PBX1: variants seen among roughly 807,000 people sequenced by gnomAD.
PBX1 encodes the protein pre-B-cell leukemia transcription factor 1.
PBX1 carries 6 observed loss-of-function variants against 53.4 expected under a neutral mutation model. That is an observed-to-expected ratio of 0.11 (90% CI 0.06 to 0.22). PBX1 has a LOEUF of 0.22. Among genes scored for constraint, PBX1 ranks in the 10% least tolerant of loss-of-function variants. The probability of loss-of-function intolerance (pLI) is 1.00; values close to 1 mark genes in which losing one functional copy is unlikely to be tolerated. For synonymous variants in PBX1, 204 were observed against 212.3 expected (o/e 0.96, Z 0.34); for missense variants, 251 against 551.4 (o/e 0.46, Z 5.46).
intron 2 of PBX1, among the ~76,000 whole-genome samples, chr1:164,633,954 A>G (rs1210758893): frequency 2.6e-5 from 4 of 152,188 alleles, no homozygotes; most frequent in African/African-American, 4.8e-5. Context: ...CCAAAAGGTT[A>G]TGTAATTTAA....
chr1:164,599,051 C>T (rs944851061), intron 2 of PBX1, among the ~76,000 whole-genome samples: 2 of 145,570 alleles, frequency 1.4e-5, no homozygotes, highest in Admixed American at 7.1e-5. Context: ...GATTTATTTT[C>T]TGTCTCTTTT....
intron 2 of PBX1, among the ~76,000 whole-genome samples, chr1:164,742,111 C>T (rs1397386075): frequency 1.3e-5 from 2 of 152,124 alleles, no homozygotes; most frequent in Non-Finnish European, 2.9e-5. Context: ...GCAGTTACCT[C>T]TTGAGAAACT....
At chr1:164,827,493 G>A (rs1330473640) in intron 8 of PBX1, among the ~76,000 whole-genome samples, 2 of 152,154 alleles carry the variant, frequency 1.3e-5, no homozygotes, top group African/African-American at 4.8e-5. Flanking sequence ...AGACTGTATA[G>A]TGTTTGAAGG....
intron 2 of PBX1, among the ~76,000 whole-genome samples, chr1:164,577,772 C>T (rs1046762085): frequency 6.6e-6 from 1 of 152,102 alleles, no homozygotes; most frequent in African/African-American, 2.4e-5. Context: ...TAAATTAATT[C>T]CCTCTATAAA....
intron 2 of PBX1, among the ~76,000 whole-genome samples, chr1:164,703,556 C>T (rs996970984): frequency 2.0e-5 from 3 of 152,172 alleles, no homozygotes; most frequent in Non-Finnish European, 4.4e-5. Flanking sequence ...CTCATTACCA[C>T]GAGCCTGAAC....
At chr1:164,638,300 G>C (rs1658906887) in intron 2 of PBX1, among the ~76,000 whole-genome samples, 1 of 152,242 alleles carries the variant, frequency 6.6e-6, no homozygotes, top group African/African-American at 2.4e-5. Flanking sequence ...TAGCCATAGT[G>C]AGAGGTAGGA....
At chr1:164,681,747 C>T (rs1440166729) in intron 2 of PBX1, among the ~76,000 whole-genome samples, 5 of 152,158 alleles carry the variant, frequency 3.3e-5, no homozygotes, top group Non-Finnish European at 7.3e-5. Flanking sequence ...ACCTGGTTGA[C>T]AAAATAATTC....
At chr1:164,882,764 A>G (rs1203645889) in intron 2 of PBX1, among the ~76,000 whole-genome samples, 1 of 152,176 alleles carries the variant, frequency 6.6e-6, no homozygotes, top group Non-Finnish European at 1.5e-5. Context: ...AATCAAGGAC[A>G]TCAGTAACAT....
At chr1:164,711,200 A>G (rs1312078025) in intron 2 of PBX1, among the ~76,000 whole-genome samples, 1 of 152,182 alleles carries the variant, frequency 6.6e-6, no homozygotes, top group Admixed American at 6.5e-5. Flanking sequence ...GTTGTCAGCA[A>G]CCAAGACCTC....
intron 2 of PBX1, among the ~76,000 whole-genome samples, chr1:164,886,015 A>C (rs1010957357): frequency 4.0e-5 from 6 of 151,460 alleles, no homozygotes; most frequent in Non-Finnish European, 8.8e-5. Context: ...AGAATGATTT[A>C]GGTGATTAAT....
downstream of PBX1, among the ~76,000 whole-genome samples, chr1:164,855,489 A>C (rs1309803372): frequency 6.6e-6 from 1 of 152,108 alleles, no homozygotes; most frequent in African/African-American, 2.4e-5. Context: ...TTTTTCTAGA[A>C]AGTCACTTGG....
chr1:164,707,015 C>G (rs998975831), intron 2 of PBX1, among the ~76,000 whole-genome samples: 16 of 152,136 alleles, frequency 1.1e-4, no homozygotes, highest in Non-Finnish European at 1.5e-5. Flanking sequence ...GGCCAGTTTG[C>G]CATCTGTAGT....
chr1:164,572,317 A>G (rs181283367), intron 2 of PBX1, among the ~76,000 whole-genome samples: 59 of 152,138 alleles, frequency 3.9e-4, no homozygotes, highest in Admixed American at 3.1e-3. Context: ...TCTCCATTCA[A>G]TGATGTCTCC....
chr1:164,774,867 A>G (rs1019389678), intron 2 of PBX1, among the ~76,000 whole-genome samples: 16 of 152,320 alleles, frequency 1.1e-4, no homozygotes, highest in African/African-American at 3.6e-4. Context: ...AGGAATATAC[A>G]GTAGCCTTTG....
rs537207365 is a variant in PBX1, at chr1:164,875,538, A to T, written n.258-23650A>T. On this transcript the variant is annotated intron_variant and non_coding_transcript_variant, in intron 2 of 2. Transcript: ENST00000558796. ...AGTCTCGAACTCCTGGGCTCAAGTG[A>T]TCCCTCTGCCTCGGCTTCCCAAAGT... is the stretch of plus-strand genomic sequence containing the variant. 6.6e-5 allele frequency among the ~76,000 whole-genome samples: 10 copies of T among 152,202 alleles called. No individual in the cohort carries two copies. In the East Asian group the frequency reaches 1.7e-3, roughly 27 times the overall value.
intron 2 of PBX1, among the ~76,000 whole-genome samples, chr1:164,873,904 G>A (rs1407489676): frequency 6.6e-6 from 1 of 150,838 alleles, no homozygotes; most frequent in South Asian, 2.1e-4. Context: ...AATTACAGGA[G>A]TAAATACATT....
chr1:164,811,916 A>C, intron 5 of PBX1, 74 bp from the exon 6 acceptor site: 3 of 1,330,584 alleles, frequency 2.3e-6, no homozygotes, highest in Non-Finnish European at 3.1e-6. Context: ...TCTCCCATAA[A>C]GCCTTTTTTT....
At chr1:164,821,991 C>T (rs1670179244) in intron 8 of PBX1, among the ~76,000 whole-genome samples, 1 of 151,878 alleles carries the variant, frequency 6.6e-6, no homozygotes. Flanking sequence ...AAACCAGTAG[C>T]CAAAATCCAT....
intron 2 of PBX1, among the ~76,000 whole-genome samples, chr1:164,765,086 C>T (rs764092055): frequency 1.3e-5 from 2 of 152,116 alleles, no homozygotes; most frequent in Non-Finnish European, 2.9e-5. Context: ...CTTCTGTCAG[C>T]GGCCACATAT....
Sources: allele counts gnomAD v4.1 joint callset (sites outside exome capture counted in the v4.1 genomes callset), GRCh38; gene constraint gnomAD v4.1.1; transcripts MANE v1.5; gene names NCBI Gene and HGNC (gene_info 2026-07-23, HGNC 2026-07-21).